Variants in LRFN5 observed in about 807,000 individuals in gnomAD.
LRFN5 encodes leucine-rich repeat and fibronectin type-III domain-containing protein 5.
In LRFN5, 24 loss-of-function variants were observed where a neutral mutation model predicts 45.6. That is an observed-to-expected ratio of 0.53 (90% CI 0.38 to 0.74). LRFN5 has a LOEUF of 0.74. LRFN5 is among the 30% of genes least tolerant of loss of function. The pLI is 0.00. For synonymous variants in LRFN5, 340 were observed against 313.8 expected, an observed-to-expected ratio of 1.08 and a Z score of -0.88; for missense variants, 776 against 861.5, an observed-to-expected ratio of 0.90 and a Z score of 1.24.
intron 1 of LRFN5, among the ~76,000 whole-genome samples, chr14:41,625,564 T>C (rs1282392055): frequency 6.6e-6 from 1 of 152,186 alleles, no homozygotes; most frequent in African/African-American, 2.4e-5. Context: ...GAAGTAATAG[T>C]ATACAGGTAT....
intron 2 of LRFN5, among the ~76,000 whole-genome samples, chr14:41,823,253 T>C (rs879654062): frequency 3.9e-5 from 6 of 152,034 alleles, no homozygotes; most frequent in Non-Finnish European, 8.8e-5. Context: ...CTTTCATTTT[T>C]TTTTATGACA....
At chr14:41,893,948 A>G (rs898887149) in intron 4 of LRFN5, 2 of 985,226 alleles carry the variant, frequency 2.0e-6, no homozygotes, top group East Asian at 1.1e-4. Context: ...CAGCACTCAG[A>G]GTGAAATATA....
intron 1 of LRFN5, among the ~76,000 whole-genome samples, chr14:41,615,787 A>C (rs1301576401): frequency 6.6e-6 from 1 of 152,170 alleles, no homozygotes. Flanking sequence ...TTTTAAAAAA[A>C]TAAAAATTAT....
At chr14:41,704,438 C>CGTGTG (rs1882971325) in intron 1 of LRFN5, among the ~76,000 whole-genome samples, 1 of 111,628 alleles carries the variant, frequency 9.0e-6, no homozygotes, top group Non-Finnish European at 1.8e-5. Context: ...CTCTCTCTCT[C>CGTGTG]TCTCTCTCTC....
At chr14:41,832,564 TA>T (rs1481466560) in intron 2 of LRFN5, among the ~76,000 whole-genome samples, 4 of 152,120 alleles carry the variant, frequency 2.6e-5, no homozygotes, top group South Asian at 4.1e-4. Flanking sequence ...AGAGGGTCAT[TA>T]GGGGTAATCA....
At chr14:41,870,181 G>A (rs541736811) in intron 2 of LRFN5, among the ~76,000 whole-genome samples, 272 of 152,188 alleles carry the variant, frequency 1.8e-3, no homozygotes, top group Non-Finnish European at 3.2e-3. Context: ...CCTTCAGGTT[G>A]TTGGTAAAAT....
chr14:41,834,422 T>C (rs1443851360), intron 2 of LRFN5, among the ~76,000 whole-genome samples: 1 of 152,174 alleles, frequency 6.6e-6, no homozygotes, highest in Non-Finnish European at 1.5e-5. Context: ...GAGATCTGTA[T>C]TTACTTTTTG....
At chr14:41,847,303 G>A (rs1889102948) in intron 2 of LRFN5, among the ~76,000 whole-genome samples, 2 of 151,914 alleles carry the variant, frequency 1.3e-5, no homozygotes, top group Non-Finnish European at 2.9e-5. Flanking sequence ...TCCTTCATGG[G>A]GAGTAATAGT....
intron 2 of LRFN5, among the ~76,000 whole-genome samples, chr14:41,879,778 A>T (rs1191909672): frequency 2.0e-5 from 3 of 147,996 alleles, no homozygotes; most frequent in Non-Finnish European, 4.4e-5. Context: ...GCATTTTTCA[A>T]TGAATTTGTC....
intron 1 of LRFN5, among the ~76,000 whole-genome samples, chr14:41,726,812 T>C (rs1317593625): frequency 1.3e-5 from 2 of 152,182 alleles, no homozygotes; most frequent in Non-Finnish European, 2.9e-5. Context: ...AGATCATTGA[T>C]AGATATTTAG....
intron 1 of LRFN5, among the ~76,000 whole-genome samples, chr14:41,670,096 C>A (rs1195894496): frequency 2.0e-5 from 3 of 147,570 alleles, no homozygotes; most frequent in African/African-American, 7.4e-5. Context: ...TATATACACA[C>A]ATACATATCT....
intron 3 of LRFN5, among the ~76,000 whole-genome samples, chr14:41,889,110 G>C (rs200717363): frequency 1.4e-5 from 2 of 147,456 alleles, no homozygotes; most frequent in African/African-American, 2.5e-5. Flanking sequence ...ATATATATAT[G>C]TCTCTATATA....
intron 1 of LRFN5, among the ~76,000 whole-genome samples, chr14:41,717,905 G>A (rs964200857): frequency 6.6e-6 from 1 of 152,108 alleles, no homozygotes; most frequent in East Asian, 1.9e-4. Context: ...TTTAGACCAT[G>A]TATATTATAA....
chr14:41,848,512 C>G (rs1335811742), intron 2 of LRFN5, among the ~76,000 whole-genome samples: 1 of 151,100 alleles, frequency 6.6e-6, no homozygotes, highest in Non-Finnish European at 1.5e-5. Context: ...TCGTATTCGT[C>G]AGAAGTAGGA....
At chr14:41,838,882 A>G (rs1888758358) in intron 2 of LRFN5, among the ~76,000 whole-genome samples, 1 of 152,170 alleles carries the variant, frequency 6.6e-6, no homozygotes, top group South Asian at 2.1e-4. Context: ...ACATATGACC[A>G]AAATCATTAT....
chr14:41,747,638 G>A (rs1884975399), intron 1 of LRFN5, among the ~76,000 whole-genome samples: 1 of 151,878 alleles, frequency 6.6e-6, no homozygotes, highest in African/African-American at 2.4e-5. Flanking sequence ...GACAGCAGAG[G>A]CATAGCCAAC....
intron 1 of LRFN5, among the ~76,000 whole-genome samples, chr14:41,636,729 CAT>C (rs1283768425): frequency 6.6e-6 from 1 of 152,102 alleles, no homozygotes; most frequent in Admixed American, 6.6e-5. Flanking sequence ...AGAACACACT[CAT>C]ATGCAGCAAG....
chr14:41,888,183 A>C (rs1211886247), intron 3 of LRFN5, among the ~76,000 whole-genome samples, 173 bp downstream of exon 3: 1 of 152,128 alleles, frequency 6.6e-6, no homozygotes, highest in Non-Finnish European at 1.5e-5. Context: ...AGATATTTTG[A>C]ATGGTATTTT....
At chr14:41,850,827 A>T (rs1396677981) in intron 2 of LRFN5, among the ~76,000 whole-genome samples, 2 of 151,750 alleles carry the variant, frequency 1.3e-5, no homozygotes, top group Non-Finnish European at 3.0e-5. Context: ...CTATTTCCTG[A>T]AAGTTACATC....
Sources: allele counts gnomAD v4.1 joint callset (sites outside exome capture counted in the v4.1 genomes callset), GRCh38; gene constraint gnomAD v4.1.1; transcripts MANE v1.5; gene names NCBI Gene and HGNC (gene_info 2026-07-23, HGNC 2026-07-21).